The following ING3 variants were observed in gnomAD, a reference collection of about 807,000 sequenced individuals.
ING3 encodes inhibitor of growth protein 3.
Under a neutral mutation model 64.8 loss-of-function variants are expected in ING3, and 6 were observed. The observed-to-expected ratio is 0.09, with a 90% CI of 0.05 to 0.18. The LOEUF is 0.18. Ranked by LOEUF, ING3 falls within the 10% of genes least tolerant of loss-of-function variation. ING3 has a pLI of 1.00. For synonymous variants in ING3, 170 were observed against 173.7 expected (o/e 0.98, Z 0.17); for missense variants, 310 against 489.7 (o/e 0.63, Z 3.46).
chr7:120,970,580 C>T, intron 9 of ING3, 108 bp from the exon 10 acceptor site: 1 of 1,158,204 alleles, frequency 8.6e-7, no homozygotes. Context: ...TTAGCTTACA[C>T]TTTAATTTAT....
chr7:120,956,526 C>T (rs1795849935), intron 4 of ING3: 2 of 1,035,248 alleles, frequency 1.9e-6, no homozygotes, highest in Non-Finnish European at 2.3e-6. Flanking sequence ...TCATGTAGAG[C>T]CATGGAAAAT....
At chr7:120,953,079 G>T (rs1011994200) in intron 2 of ING3, among the ~76,000 whole-genome samples, 3 of 151,960 alleles carry the variant, frequency 2.0e-5, no homozygotes, top group African/African-American at 7.2e-5. Context: ...AAAAAATTTT[G>T]AAGTAACAAA....
intron 4 of ING3, among the ~76,000 whole-genome samples, chr7:120,961,534 C>T (rs985625239): frequency 6.6e-5 from 10 of 152,136 alleles, no homozygotes; most frequent in African/African-American, 2.4e-4. Context: ...ATTAGTGATA[C>T]ACTTTAAATG....
chr7:120,970,931 A>G (rs1020820345), intron 10 of ING3, 51 bp downstream of exon 10: 4 of 1,441,826 alleles, frequency 2.8e-6, no homozygotes, highest in African/African-American at 1.4e-5. Flanking sequence ...ACTAGAAGGA[A>G]GAGAACTATT....
chr7:120,963,682 G>A (rs1795962723), intron 4 of ING3, among the ~76,000 whole-genome samples: 1 of 152,104 alleles, frequency 6.6e-6, no homozygotes, highest in Non-Finnish European at 1.5e-5. Flanking sequence ...GTCATCTGAT[G>A]CGTCAAGCAC....
Position 120,975,898 on chromosome 7 carries a change from C to T in ING3, c.*1054C>T, listed in dbSNP as rs956967598. 2 of 151,996 alleles carry T rather than the reference C, an allele frequency of 1.3e-5. No individual in the cohort carries two copies. The highest frequency in any genetic ancestry group is 4.8e-5 in the African/African-American group (2 of 41,394). 9.4% of individuals were successfully genotyped at this position (151,996 alleles called of 1,614,324 possible). On this transcript the variant is annotated 3_prime_UTR_variant, in exon 12 of 12. Transcript: ENST00000315870. ...CTGGCTTTTCCTTCAGTCTAAAAGACATGAAAGAAGTGTAAGTATAGCAGT... is the reference window on the plus strand; with the variant it reads ...CTGGCTTTTCCTTCAGTCTAAAAGATATGAAAGAAGTGTAAGTATAGCAGT...
At chr7:120,951,062 T>C (rs967027106) in intron 1 of ING3, 102 bp from the exon 2 acceptor site, 191 of 1,505,850 alleles carry the variant, frequency 1.3e-4, no homozygotes, top group Non-Finnish European at 1.7e-4. Flanking sequence ...AGCCTCGTTG[T>C]GGGCTGCCGG....
At chr7:120,966,519 G>C in intron 5 of ING3, 107 bp from the exon 6 acceptor site, 1 of 841,816 alleles carries the variant, frequency 1.2e-6, no homozygotes, top group Non-Finnish European at 2.1e-6. Context: ...ATCAGAACTT[G>C]CTAGTCCTCT....
intron 8 of ING3, 74 bp from the exon 9 acceptor site, chr7:120,968,937 A>T: frequency 1.1e-6 from 1 of 941,268 alleles, no homozygotes; most frequent in Non-Finnish European, 1.6e-6. Context: ...AAATAAAACT[A>T]TAATTTGTAA....
chr7:120,970,579 A>G, intron 9 of ING3, 109 bp from the exon 10 acceptor site: 7 of 1,126,424 alleles, frequency 6.2e-6, no homozygotes, highest in Non-Finnish European at 8.8e-6. Flanking sequence ...TTTAGCTTAC[A>G]CTTTAATTTA....
At chr7:120,969,619 G>A (rs535098155) in intron 9 of ING3, among the ~76,000 whole-genome samples, 7 of 151,388 alleles carry the variant, frequency 4.6e-5, no homozygotes, top group East Asian at 1.9e-4. Flanking sequence ...CAAGCAAGGC[G>A]TCTTCATTCT....
At chr7:120,970,402 TTGCGGTG>T (rs1409807856) in intron 9 of ING3, among the ~76,000 whole-genome samples, 2 of 151,462 alleles carry the variant, frequency 1.3e-5, no homozygotes, top group African/African-American at 4.9e-5. Flanking sequence ...GAGGTGGAGC[TTGCGGTG>T]TGCAGAGATC....
Position 120,956,412 on chromosome 7 carries a change from G to A in ING3, c.267+788G>A, listed in dbSNP as rs1795848146. On this transcript the variant is annotated intron_variant, in intron 4 of 11. Transcript: ENST00000315870. ...TGGGTACAGATTTATTACTGAACAAGTACGTGTAAGTAAAATGTCATTGGT... is the reference window on the plus strand; with the variant it reads ...TGGGTACAGATTTATTACTGAACAAATACGTGTAAGTAAAATGTCATTGGT... 7 of 1,256,642 alleles carry A rather than the reference G, an allele frequency of 5.6e-6. No homozygotes were observed. The East Asian group carries it at 1.6e-4, about 28-fold the overall frequency. 77.8% of individuals were successfully genotyped at this position (1,256,642 alleles called of 1,614,324 possible).
In ING3 at chr7:120,970,723, C is replaced by G; in HGVS notation, c.944C>G (p.Ser315Cys). The part of the protein sequence containing the change: ...NNKSSSQQSS[S>C]SSSSSSLSSC... ...AAGTCTTCAAGCCAGCAGTCATCAT[C>G]TTCCTCCTCCTCTTCTTCCTTATCA... Residue 315 changes from serine to cysteine, a missense_variant, in exon 10 of 12, where the codon TCT becomes TGT. This residue lies in a region of ING3 where 233 missense variants were observed against 289.4 expected (regional missense o/e 0.81). Transcript: ENST00000315870. 1 of 1,613,312 alleles carries G rather than the reference C, an allele frequency of 6.2e-7. No homozygotes were observed. The highest frequency in any genetic ancestry group is 8.5e-7 in the Non-Finnish European group (1 of 1,179,320).
intron 4 of ING3, among the ~76,000 whole-genome samples, chr7:120,960,431 C>G (rs920121948): frequency 3.3e-5 from 5 of 152,146 alleles, no homozygotes; most frequent in Non-Finnish European, 5.9e-5. Flanking sequence ...TTTGCTTAAA[C>G]ATTATATTAT....
intron 3 of ING3, among the ~76,000 whole-genome samples, chr7:120,953,880 A>G (rs1390578708): frequency 1.3e-5 from 2 of 152,182 alleles, no homozygotes; most frequent in African/African-American, 4.8e-5. Flanking sequence ...GTCTGGAAAC[A>G]TAGAATTCTT....
rs753080716 is a variant in ING3, at chr7:120,969,161, G to T, written c.865G>T (p.Ala289Ser). 2 of 1,613,796 alleles carry T rather than the reference G, an allele frequency of 1.2e-6. No homozygotes were observed. Among genetic ancestry groups the T allele is most frequent in the Admixed American group, 3.3e-5 (2 of 59,966 alleles). ...ACTTATGACAACATTAACACAGAATGCCAGTTCATCAGCAGCCGACTCACG... is the reference window on the plus strand; with the variant it reads ...ACTTATGACAACATTAACACAGAATTCCAGTTCATCAGCAGCCGACTCACG... The part of the protein sequence containing the change: ...SALMTTLTQN[A>S]SSSAADSRSG... Residue 289 changes from alanine (A) to serine (S), a missense_variant, in exon 9 of 12, where the codon GCC becomes TCC. Transcript: ENST00000315870.
At chr7:120,964,308 A>G (rs1795970914) in intron 4 of ING3, among the ~76,000 whole-genome samples, 1 of 152,142 alleles carries the variant, frequency 6.6e-6, no homozygotes, top group Non-Finnish European at 1.5e-5. Flanking sequence ...TCATCATTCT[A>G]AATAATAGCT....
intron 4 of ING3, among the ~76,000 whole-genome samples, chr7:120,962,718 T>C (rs958329943): frequency 1.3e-5 from 2 of 152,128 alleles, no homozygotes; most frequent in Admixed American, 1.3e-4. Flanking sequence ...TCTACATTTT[T>C]TATTGTGATT....
Sources: allele counts gnomAD v4.1 joint callset (sites outside exome capture counted in the v4.1 genomes callset), GRCh38; gene constraint gnomAD v4.1.1; regional missense constraint gnomAD v4.1.1; transcripts MANE v1.5; gene names NCBI Gene and HGNC (gene_info 2026-07-23, HGNC 2026-07-21).